JAKMIP3: variants seen among roughly 807,000 people sequenced by gnomAD.
JAKMIP3 encodes Janus kinase and microtubule interacting protein 3, also known as janus kinase and microtubule-interacting protein 3.
In JAKMIP3, 58 loss-of-function variants were observed where a neutral mutation model predicts 118.5. That is an observed-to-expected ratio of 0.49 (90% CI 0.40 to 0.61). The LOEUF is 0.61. Among genes scored for constraint, JAKMIP3 ranks in the 20% least tolerant of loss-of-function variants. The pLI, the probability that JAKMIP3 is intolerant of heterozygous loss-of-function variation, is 0.00. For synonymous variants in JAKMIP3, 486 were observed against 451.2 expected (o/e 1.08, Z -0.98); for missense variants, 950 against 1,109.0 (o/e 0.86, Z 2.04).
Position 132,182,107 on chromosome 10 carries a change from A to G in JAKMIP3, c.*1104-250A>G, listed in dbSNP as rs182034513. Among the ~76,000 whole-genome samples, 1,091 of 152,348 alleles carry G rather than the reference A, an allele frequency of 7.2e-3. 15 individuals are homozygous for G. The highest frequency in any genetic ancestry group is 0.021 in the South Asian group (100 of 4,826). On this transcript the variant is annotated intron_variant, in intron 23 of 23. Transcript: ENST00000684848. ...CTTCTGTAGGGGCTTTGTGAGGAGC[A>G]TGGACTCATCTTCCTGAGAGTGTGG... is the stretch of plus-strand genomic sequence containing the variant.
chr10:132,180,650 T>C lies in JAKMIP3; in HGVS notation c.*1104-1707T>C, dbSNP rs199505101. On this transcript the variant is annotated intron_variant, in intron 23 of 23. Transcript: ENST00000684848. ...GCGTGTGTGCGTGCGTGTGTGCGTG[T>C]GCGTGTGCGTGTGTGCGTGTGTGTG... Among the ~76,000 whole-genome samples the C allele has an allele frequency of 5.5e-3, 154 of 28,226 alleles. 28 individuals are homozygous for C. The highest frequency in any genetic ancestry group is 0.036 in the East Asian group (19 of 532). The allele number at this position is 28,226 out of a possible 152,430, so 18.5% of individuals were successfully genotyped here.
chr10:132,108,665 G>A (rs569599511), intron 2 of JAKMIP3, among the ~76,000 whole-genome samples: 11 of 148,810 alleles, frequency 7.4e-5, no homozygotes, highest in Non-Finnish European at 1.3e-4. Context: ...GTCTCCCACT[G>A]GTGCCTCCAA....
intron 1 of JAKMIP3, among the ~76,000 whole-genome samples, chr10:132,039,834 G>A (rs988458040): frequency 5.3e-5 from 8 of 152,248 alleles, no homozygotes; most frequent in Admixed American, 1.3e-4. Flanking sequence ...CCACCTCCAC[G>A]CCTCACGTGC....
chr10:132,108,096 C>T (rs890218206), intron 2 of JAKMIP3, among the ~76,000 whole-genome samples: 1 of 152,212 alleles, frequency 6.6e-6, no homozygotes, highest in Non-Finnish European at 1.5e-5. Context: ...CTCGGCGTTG[C>T]TCCTTCCTGC....
intron 19 of JAKMIP3, among the ~76,000 whole-genome samples, chr10:132,158,361 TCCCATGGACAC>T (rs1315875155): frequency 6.6e-6 from 1 of 152,082 alleles, no homozygotes; most frequent in Non-Finnish European, 1.5e-5. Context: ...TGATCAAACA[TCCCATGGACAC>T]CCCATGGGAT....
chr10:132,129,912 G>A lies in JAKMIP3; in HGVS notation c.634-3400G>A, dbSNP rs143109408. On this transcript the variant is annotated intron_variant, in intron 3 of 23. Transcript: ENST00000684848. The stretch of plus-strand genomic sequence containing the variant: ...TTTTTTCCTTCAGAAAGCTGCTTAG[G>A]TGATTCCAGCACGAGACCACCAAGC... Among the ~76,000 whole-genome samples, 15 of 149,026 alleles carry A rather than the reference G, an allele frequency of 1.0e-4. No individual in the cohort carries two copies. In the East Asian group the frequency reaches 2.4e-3, roughly 24 times the overall value.
At chr10:132,160,458 C>T (rs1286960101) in intron 19 of JAKMIP3, among the ~76,000 whole-genome samples, 1 of 41,172 alleles carries the variant, frequency 2.4e-5, no homozygotes. Context: ...GGGGTCTCTT[C>T]CTGTGTGATG....
chr10:132,098,935 C>A (rs2130892), intron 1 of JAKMIP3, among the ~76,000 whole-genome samples: 93,077 of 152,006 alleles, frequency 0.61, 28,751 homozygotes, highest in East Asian at 0.71. Flanking sequence ...GGGTTTGGGA[C>A]CCGAACCTTG....
chr10:132,131,441 G>C (rs1016396541), intron 3 of JAKMIP3, among the ~76,000 whole-genome samples: 1 of 150,946 alleles, frequency 6.6e-6, no homozygotes, highest in African/African-American at 2.4e-5. Context: ...GGGCCTGAGA[G>C]ACAGGGTACC....
intron 1 of JAKMIP3, among the ~76,000 whole-genome samples, chr10:132,096,145 A>G (rs1390756430): frequency 1.3e-5 from 2 of 152,146 alleles, no homozygotes; most frequent in African/African-American, 4.8e-5. Flanking sequence ...TTACATTGGG[A>G]GCAGTAGACA....
rs2037838087 is a variant in JAKMIP3, at chr10:132,044,092, T to G, written c.-138+7354T>G. On this transcript the variant is annotated intron_variant, in intron 1 of 23. Coordinates refer to the JAKMIP3 transcript ENST00000657785. This position sits in a 1 kb window ranked among gnomAD's most constrained non-coding sequence, Gnocchi z 5.3. ...TGTGCAGTGGCGCTTGTGGCCCACC[T>G]GGGGACACAGGCTGCCGCCTTGATG... Among the ~76,000 whole-genome samples, 1 of 152,190 alleles carries G rather than the reference T, an allele frequency of 6.6e-6. No homozygotes were observed. Among genetic ancestry groups the G allele is most frequent in the South Asian group, 2.1e-4 (1 of 4,830 alleles).
In JAKMIP3 at chr10:132,118,478, C is replaced by T. The variant is rs562688516; in HGVS notation, c.633+904C>T. 2.3e-4 allele frequency among the ~76,000 whole-genome samples: 35 copies of T among 152,320 alleles called. 1 individual carries two copies. The highest frequency in any genetic ancestry group is 1.2e-3 in the South Asian group (6 of 4,830). ...TGGGTGGGATGCAGTGGTCTTTCCACGGGGCGTGGCTGTGCACCTGGGGCA... is the reference window on the plus strand; with the variant it reads ...TGGGTGGGATGCAGTGGTCTTTCCATGGGGCGTGGCTGTGCACCTGGGGCA... On this transcript the variant is annotated intron_variant, in intron 3 of 23. Coordinates refer to ENST00000684848, the MANE Select transcript of JAKMIP3 (RefSeq NM_001323087.2). This position sits in a 1 kb window ranked among gnomAD's most constrained non-coding sequence, Gnocchi z 4.8.
At chr10:132,145,078 T>C (rs762632153) in intron 11 of JAKMIP3, 29 bp from the exon 12 acceptor site, 2 of 1,594,684 alleles carry the variant, frequency 1.3e-6, no homozygotes, top group East Asian at 4.5e-5. Context: ...TTAGAGAAAA[T>C]TTGATGTATC....
chr10:132,139,464 G>A (rs1173262741), intron 9 of JAKMIP3, among the ~76,000 whole-genome samples: 3 of 123,232 alleles, frequency 2.4e-5, no homozygotes, highest in Middle Eastern at 3.6e-3. Flanking sequence ...GTGTCTGCAT[G>A]TGTGTATGTG....
intron 2 of JAKMIP3, among the ~76,000 whole-genome samples, chr10:132,105,319 G>T (rs532443386): frequency 5.9e-5 from 9 of 152,372 alleles, no homozygotes; most frequent in South Asian, 4.1e-4. Flanking sequence ...GAAACAGAGT[G>T]GGCAGGTATG....
intron 21 of JAKMIP3, 24 bp from the exon 22 acceptor site, chr10:132,166,959 T>A: frequency 6.7e-7 from 1 of 1,485,350 alleles, no homozygotes; most frequent in Non-Finnish European, 9.2e-7. Context: ...CTTCCGTTTC[T>A]CCATCCTCCC....
At chr10:132,040,259 G>A (rs116193357) in intron 1 of JAKMIP3, among the ~76,000 whole-genome samples, 2,091 of 152,302 alleles carry the variant, frequency 0.014, 53 homozygotes, top group African/African-American at 0.047. Flanking sequence ...AAGCCAGGAA[G>A]GACCCTCACC....
In JAKMIP3 at chr10:132,077,799, C is replaced by T. The variant is rs547070468; in HGVS notation, c.-138+11738C>T. On this transcript the variant is annotated intron_variant, in intron 1 of 23. Transcript: ENST00000684848. Reference sequence around the variant, plus strand: ...CAGAGTAGCTGGGATTACAGGTGCCCGCTACCATGCCCAGCTAATTTTTTA... The same window carrying T: ...CAGAGTAGCTGGGATTACAGGTGCCTGCTACCATGCCCAGCTAATTTTTTA... 8.3e-4 allele frequency among the ~76,000 whole-genome samples: 126 copies of T among 151,936 alleles called. 3 individuals are homozygous for T. In the South Asian group the frequency reaches 0.025, roughly 30 times the overall value.
intron 1 of JAKMIP3, among the ~76,000 whole-genome samples, chr10:132,048,950 T>C (rs2038018359): frequency 6.6e-6 from 1 of 152,206 alleles, no homozygotes; most frequent in Non-Finnish European, 1.5e-5. Flanking sequence ...TGGGCTTGAC[T>C]GTTTCTAAAA....
Sources: allele counts gnomAD v4.1 joint callset (sites outside exome capture counted in the v4.1 genomes callset), GRCh38; gene constraint gnomAD v4.1.1; non-coding constraint Gnocchi (gnomAD v3.1); transcripts MANE v1.5; gene names NCBI Gene and HGNC (gene_info 2026-07-23, HGNC 2026-07-21).